The following SUGCT variants were observed in gnomAD, a reference collection of about 807,000 sequenced individuals.
SUGCT encodes the protein succinyl-CoA:glutarate-CoA transferase.
SUGCT carries 41 observed loss-of-function variants against 55.0 expected under a neutral mutation model. That is an observed-to-expected ratio of 0.74 (90% CI 0.58 to 0.97). SUGCT has a LOEUF of 0.97. SUGCT is among the 50% of genes least tolerant of loss of function. SUGCT has a pLI of 0.00. For missense variants in SUGCT, 568 were observed against 547.8 expected (o/e 1.04, Z -0.37); for synonymous variants, 187 against 200.4 (o/e 0.93, Z 0.56).
intron 12 of SUGCT, among the ~76,000 whole-genome samples, chr7:40,660,180 C>G (rs1245201900): frequency 6.6e-6 from 1 of 152,164 alleles, no homozygotes; most frequent in Non-Finnish European, 1.5e-5. Flanking sequence ...GAGGCTCTCC[C>G]ATATTCAATA....
intron 11 of SUGCT, among the ~76,000 whole-genome samples, chr7:40,473,027 T>C (rs1409427117): frequency 1.3e-5 from 2 of 152,182 alleles, no homozygotes; most frequent in Admixed American, 1.3e-4. Context: ...GATTTTTCTA[T>C]GGGAAGGAAA....
chr7:41,022,238 AAAT>A, the SUGCT span, among the ~76,000 whole-genome samples: 1 of 152,152 alleles, frequency 6.6e-6, no homozygotes, highest in Non-Finnish European at 1.5e-5. Context: ...ATAAAAAATA[AAAT>A]AATAATCTTG....
At chr7:40,792,019 A>C (rs1320883174) in intron 13 of SUGCT, among the ~76,000 whole-genome samples, 1 of 152,202 alleles carries the variant, frequency 6.6e-6, no homozygotes, top group Non-Finnish European at 1.5e-5. Context: ...TCCTCTGGCC[A>C]CACATGATTT....
intron 7 of SUGCT, among the ~76,000 whole-genome samples, chr7:40,248,578 A>AT (rs1162153389): frequency 2.0e-5 from 3 of 150,026 alleles, no homozygotes; most frequent in Non-Finnish European, 4.5e-5. Flanking sequence ...TATTATTATT[A>AT]TTTTTTTGAG....
chr7:40,608,426 A>G (rs548289796), intron 12 of SUGCT, among the ~76,000 whole-genome samples: 30 of 152,174 alleles, frequency 2.0e-4, no homozygotes, highest in Admixed American at 3.3e-4. Context: ...GTTGGGGATT[A>G]TGGTTTCAAC....
intron 1 of SUGCT, among the ~76,000 whole-genome samples, chr7:40,156,467 A>G (rs1023011621): frequency 2.0e-5 from 3 of 151,996 alleles, no homozygotes; most frequent in African/African-American, 7.2e-5. Context: ...TGCCTCAAAG[A>G]AATAGAAGAT....
At chr7:40,880,866 T>C in the SUGCT span, among the ~76,000 whole-genome samples, 1,017 of 152,234 alleles carry the variant, frequency 6.7e-3, 11 homozygotes, top group African/African-American at 0.023. Flanking sequence ...TAGAAGAGAT[T>C]GGATATTGAT....
chr7:40,460,212 T>C (rs6948150), intron 11 of SUGCT, among the ~76,000 whole-genome samples: 16,141 of 152,252 alleles, frequency 0.11, 1,150 homozygotes, highest in Middle Eastern at 0.18. Flanking sequence ...TGAAATACTT[T>C]TGTAACTTTA....
At chr7:40,636,395 C>T (rs1800021327) in intron 12 of SUGCT, among the ~76,000 whole-genome samples, 1 of 152,156 alleles carries the variant, frequency 6.6e-6, no homozygotes, top group South Asian at 2.1e-4. Flanking sequence ...CAGGTGGAAG[C>T]TGTATTGCCT....
At chr7:40,289,211 T>C (rs1226657170) in intron 8 of SUGCT, among the ~76,000 whole-genome samples, 1 of 151,740 alleles carries the variant, frequency 6.6e-6, no homozygotes, top group African/African-American at 2.4e-5. Flanking sequence ...GTGGGCCTAA[T>C]GAAACTAAAA....
intron 6 of SUGCT, among the ~76,000 whole-genome samples, chr7:40,226,446 G>A (rs1584392857): frequency 1.3e-5 from 2 of 152,108 alleles, no homozygotes; most frequent in East Asian, 3.8e-4. Flanking sequence ...GTCTCATTTA[G>A]TTCTCACAAG....
chr7:40,817,658 T>C (rs1791747189), intron 13 of SUGCT, among the ~76,000 whole-genome samples: 1 of 152,156 alleles, frequency 6.6e-6, no homozygotes, highest in Non-Finnish European at 1.5e-5. Context: ...GTCATTAGGA[T>C]TCAAATGGAG....
chr7:40,427,569 G>C (rs1356816226), intron 9 of SUGCT, among the ~76,000 whole-genome samples: 1 of 152,112 alleles, frequency 6.6e-6, no homozygotes, highest in African/African-American at 2.4e-5. Flanking sequence ...TCATTCCTCA[G>C]TTTGCATATT....
chr7:40,377,179 TTTC>T (rs1213411742), intron 9 of SUGCT, among the ~76,000 whole-genome samples: 506 of 17,020 alleles, frequency 0.03, 166 homozygotes, highest in East Asian at 0.15. Flanking sequence ...TCTTTCTTTC[TTTC>T]TTTCTTTCTT....
chr7:40,675,305 C>T (rs1016589769), intron 12 of SUGCT, among the ~76,000 whole-genome samples: 3 of 152,158 alleles, frequency 2.0e-5, no homozygotes, highest in Non-Finnish European at 2.9e-5. Context: ...GTGATCTGCC[C>T]GCCTCGGCCT....
At chr7:40,495,539 A>G (rs1172226498) in intron 11 of SUGCT, among the ~76,000 whole-genome samples, 1 of 152,174 alleles carries the variant, frequency 6.6e-6, no homozygotes, top group Non-Finnish European at 1.5e-5. Flanking sequence ...TAGATCCAAG[A>G]TTTTATTTCT....
intron 1 of SUGCT, among the ~76,000 whole-genome samples, chr7:40,156,544 A>G (rs1335246819): frequency 6.6e-6 from 1 of 152,088 alleles, no homozygotes; most frequent in Non-Finnish European, 1.5e-5. Context: ...GCTGTATTCA[A>G]AGGAGGAATT....
chr7:40,190,989 TTAGGGC>T (rs1273930345), intron 5 of SUGCT, among the ~76,000 whole-genome samples: 1 of 152,156 alleles, frequency 6.6e-6, no homozygotes. Context: ...CCAACTGTAC[TTAGGGC>T]TATTTGGTTA....
At chr7:40,628,762 A>T (rs1046379882) in intron 12 of SUGCT, among the ~76,000 whole-genome samples, 2 of 151,378 alleles carry the variant, frequency 1.3e-5, no homozygotes, top group Non-Finnish European at 2.9e-5. Context: ...TGTGTTTTAG[A>T]TGGAGTCTCA....
Sources: allele counts gnomAD v4.1 joint callset (sites outside exome capture counted in the v4.1 genomes callset), GRCh38; gene constraint gnomAD v4.1.1; transcripts MANE v1.5; gene names NCBI Gene and HGNC (gene_info 2026-07-23, HGNC 2026-07-21).